The following MRPS33 variants were observed in gnomAD, a reference collection of about 807,000 sequenced individuals.
MRPS33 encodes small ribosomal subunit protein mS33.
A neutral mutation model predicts 11.2 loss-of-function variants in MRPS33; 11 were observed. That is an observed-to-expected ratio of 0.99 (90% confidence interval 0.62 to 1.63). The LOEUF (loss-of-function observed/expected upper bound fraction) is 1.63. Among genes scored for constraint, MRPS33 ranks in the 40% most tolerant of loss-of-function variants. The pLI is 0.00. For synonymous variants in MRPS33, 46 were observed against 44.0 expected (o/e 1.05, Z -0.18); for missense variants, 109 against 127.8 (o/e 0.85, Z 0.71).
At chr7:141,010,716 C>A in intron 1 of MRPS33, 56 bp from the exon 2 acceptor site, 1 of 1,311,810 alleles carries the variant, frequency 7.6e-7, no homozygotes. Context: ...CCAAGATTAG[C>A]TAATGAATAA....
At chr7:141,014,387 A>G (rs1386133167) in intron 1 of MRPS33, 2 of 152,242 alleles carry the variant, frequency 1.3e-5, no homozygotes, top group Non-Finnish European at 2.9e-5. Context: ...CATCAACGGC[A>G]CTGAAAATGT....
intron 2 of MRPS33, 76 bp downstream of exon 2, chr7:141,010,343 G>T (rs1286936996): frequency 2.8e-6 from 4 of 1,430,804 alleles, no homozygotes; most frequent in Non-Finnish European, 3.9e-6. Flanking sequence ...TACAAGGATA[G>T]AAAGGCTAAT....
chr7:141,014,662 A>G (rs1820757156), intron 1 of MRPS33: 1 of 152,196 alleles, frequency 6.6e-6, no homozygotes, highest in South Asian at 2.1e-4. Context: ...GTTAACCAAT[A>G]TGGAAGAGAG....
At chr7:141,006,582 G>A (rs771632388) in intron 2 of MRPS33, 47 bp from the exon 3 acceptor site, 2 of 1,496,272 alleles carry the variant, frequency 1.3e-6, no homozygotes, top group East Asian at 2.3e-5. Context: ...TTTACGAGTA[G>A]AAAAGTACAC....
chr7:141,012,195 G>T (rs1344024029), intron 1 of MRPS33, among the ~76,000 whole-genome samples: 2 of 24,372 alleles, frequency 8.2e-5, no homozygotes, highest in African/African-American at 1.5e-4. Flanking sequence ...AAAAAAAAAA[G>T]CAGAGGCTGA....
Position 141,010,398 on chromosome 7 carries a change from CCT to C in MRPS33, c.215+19_215+20del. The C allele has an allele frequency of 6.2e-7, 1 of 1,609,942 alleles. No individual in the cohort carries two copies. The highest frequency in any genetic ancestry group is 8.5e-7 in the Non-Finnish European group (1 of 1,177,904). ...ACTGAAAAAAAGTCTCTCATAGGTC[CCT>C]CTTTGTGTTTGTCATCACCTGTAGA... On this transcript the variant is annotated intron_variant, in intron 2 of 2. Coordinates refer to ENST00000324787, the MANE Select transcript of MRPS33 (RefSeq NM_053035.3).
chr7:141,006,602 A>G, intron 2 of MRPS33, 67 bp from the exon 3 acceptor site: 4 of 1,264,224 alleles, frequency 3.2e-6, no homozygotes, highest in Non-Finnish European at 4.6e-6. Flanking sequence ...CTAATCTAGC[A>G]CGCACTGCTC....
At chr7:141,010,276 CTT>C (rs1169531798) in intron 2 of MRPS33, 141 bp downstream of exon 2, 1 of 717,428 alleles carries the variant, frequency 1.4e-6, no homozygotes, top group Admixed American at 3.0e-5. Context: ...TGAAAGAAGA[CTT>C]TCTCCTGCCA....
At chr7:141,007,572 A>G (rs1029196288) in intron 2 of MRPS33, among the ~76,000 whole-genome samples, 3 of 152,154 alleles carry the variant, frequency 2.0e-5, no homozygotes, top group African/African-American at 7.2e-5. Context: ...CATTGTCCTT[A>G]CTATGGCTTC....
At chr7:141,008,844 G>C (rs1273493209) in intron 2 of MRPS33, among the ~76,000 whole-genome samples, 4 of 150,154 alleles carry the variant, frequency 2.7e-5, no homozygotes, top group African/African-American at 9.8e-5. Context: ...TCTGTTGCTG[G>C]AGTGCAGTGG....
intron 2 of MRPS33, among the ~76,000 whole-genome samples, chr7:141,007,468 G>A (rs945428750): frequency 6.6e-6 from 1 of 152,144 alleles, no homozygotes; most frequent in East Asian, 1.9e-4. Context: ...TCTCAACAGT[G>A]CAGCTGGTAT....
At position 141,003,289 on chromosome 7, in the gene MRPS33, G is replaced by A. The variant is rs1243512222; in HGVS notation, c.*3141C>T. On this transcript the variant is annotated 3_prime_UTR_variant, in exon 3 of 3. Transcript: ENST00000324787. ...ACACTTAGTCACCATCTTAACCATT[G>A]GTCACTGTTGTCCTGAAATTTGTTG... The A allele has an allele frequency of 6.6e-6, 1 of 152,104 alleles. No individual in the cohort carries two copies. The highest frequency in any genetic ancestry group is 1.5e-5 in the Non-Finnish European group (1 of 68,018). The allele number at this position is 152,104 out of a possible 1,614,324, so 9.4% of individuals were successfully genotyped here.
intron 2 of MRPS33, chr7:141,010,215 CA>C (rs1248729414): frequency 7.1e-6 from 4 of 566,154 alleles, no homozygotes; most frequent in African/African-American, 5.6e-5. Flanking sequence ...ATATATCTTC[CA>C]ACAAGCATGA....
At position 141,004,440 on chromosome 7, in the gene MRPS33, C is replaced by G. The variant is rs1485506648; in HGVS notation, c.*1990G>C. ...TAGCCATACCATCTGGATTAGGTAT[C>G]TTTAAAAATAGCATTCATTTAAACA... On this transcript the variant is annotated 3_prime_UTR_variant, in exon 3 of 3. Coordinates refer to ENST00000324787, the MANE Select transcript of MRPS33 (RefSeq NM_053035.3). The G allele has an allele frequency of 6.6e-6, 1 of 152,172 alleles. No individual in the cohort carries two copies. Among genetic ancestry groups the G allele is most frequent in the East Asian group, 1.9e-4 (1 of 5,196 alleles). 9.4% of individuals were successfully genotyped at this position (152,172 alleles called of 1,614,324 possible). A position where few individuals can be genotyped will look rare whatever the true frequency, so the allele number is the denominator to read the frequency against.
chr7:141,009,837 C>T (rs1820628736), intron 2 of MRPS33: 1 of 149,998 alleles, frequency 6.7e-6, no homozygotes, highest in South Asian at 2.1e-4. Context: ...TGGAGTCTCA[C>T]TCTGTTGCCA....
chr7:141,008,064 C>T (rs1018666514), intron 2 of MRPS33, among the ~76,000 whole-genome samples: 3 of 152,148 alleles, frequency 2.0e-5, no homozygotes, highest in Non-Finnish European at 2.9e-5. Flanking sequence ...ACTGGTGCTT[C>T]CCTCCCTCTT....
chr7:141,014,262 T>G (rs926512438), intron 1 of MRPS33: 4 of 152,048 alleles, frequency 2.6e-5, no homozygotes, highest in African/African-American at 4.8e-5. Flanking sequence ...ATCCAAGGAA[T>G]TCACATACAG....
At position 141,006,359 on chromosome 7, in the gene MRPS33, TG is replaced by T; in HGVS notation, c.*70del. On this transcript the variant is annotated 3_prime_UTR_variant, in exon 3 of 3. Transcript: ENST00000324787. ...AGGAAGATGACATTCCTCCAATAGG[TG>T]GAAAGACAATAAATGCACTTTCTTC... is the stretch of plus-strand genomic sequence containing the variant. 1 of 1,305,410 alleles carries T rather than the reference TG, an allele frequency of 7.7e-7. No individual in the cohort carries two copies. The highest frequency in any genetic ancestry group is 2.3e-5 in the East Asian group (1 of 43,282). The allele number at this position is 1,305,410 out of a possible 1,614,324, so 80.9% of individuals were successfully genotyped here. A position where few individuals can be genotyped will look rare whatever the true frequency, so the allele number is the denominator to read the frequency against.
In MRPS33 at chr7:141,005,162, TTCCACAG is replaced by T. The variant is rs1820494711; in HGVS notation, c.*1261_*1267del. ...AGAACTTCTAGTTATGTTCAAGCTT[TTCCACAG>T]AATTTCCAAAGCCCTTCATGATCTG... On this transcript the variant is annotated 3_prime_UTR_variant, in exon 3 of 3. Transcript: ENST00000324787. 6.6e-6 allele frequency: 1 copy of T among 152,214 alleles called. No homozygotes were observed. Among genetic ancestry groups the T allele is most frequent in the South Asian group, 2.1e-4 (1 of 4,836 alleles). 9.4% of individuals were successfully genotyped at this position (152,214 alleles called of 1,614,324 possible).
Sources: gnomAD v4.1 joint callset for allele counts (sites outside exome capture counted in the v4.1 genomes callset) on GRCh38, gnomAD v4.1.1 for gene constraint, MANE v1.5 for transcripts, NCBI Gene and HGNC (gene_info 2026-07-23, HGNC 2026-07-21) for gene names.